Variants in XK observed in about 807,000 individuals in gnomAD.
XK encodes X-linked Kx blood group antigen, Kell and VPS13A binding protein.
A neutral mutation model predicts 14.0 loss-of-function variants in XK; 2 were observed. The ratio of observed to expected loss-of-function variants is 0.14; its 90% CI spans 0.06 to 0.45. The LOEUF is 0.45. Among genes scored for constraint, XK ranks in the 20% least tolerant of loss-of-function variants. The pLI, the probability that XK is intolerant of heterozygous loss-of-function variation, is 0.98. For synonymous variants in XK, 149 were observed against 147.5 expected, an observed-to-expected ratio of 1.01 and a Z score of -0.08; for missense variants, 235 against 341.5, an observed-to-expected ratio of 0.69 and a Z score of 2.46.
chrX:37,728,555 C>T lies in XK; in HGVS notation c.*93C>T. ...AATGAGCCCTACACAGGGAACAAGG[C>T]AGGAAGTTAGCTGTTAACTCCTTGT... On this transcript the variant is annotated 3_prime_UTR_variant, in exon 3 of 3. Transcript: ENST00000378616. 1.1e-6 allele frequency: 1 copy of T among 947,744 alleles called. No homozygotes were observed. The highest frequency in any genetic ancestry group is 1.5e-6 in the Non-Finnish European group (1 of 671,086). 78.1% of individuals were successfully genotyped at this position (947,744 alleles called of 1,213,427 possible).
chrX:37,703,803 A>G (rs782804193), intron 2 of XK, among the ~76,000 whole-genome samples: 1 of 112,290 alleles, frequency 8.9e-6, no homozygotes, highest in Non-Finnish European at 1.9e-5. Context: ...AAAGAAGCTA[A>G]AGTCTTCAAT....
At chrX:37,699,710 G>T (rs1286284422) in intron 2 of XK, among the ~76,000 whole-genome samples, 1 of 112,296 alleles carries the variant, frequency 8.9e-6, no homozygotes, top group Non-Finnish European at 1.9e-5. Context: ...TTGCTAGAAT[G>T]TTTAAGTCAA....
intron 2 of XK, among the ~76,000 whole-genome samples, chrX:37,726,261 A>G (rs1041042956): frequency 1.6e-4 from 18 of 111,682 alleles, no homozygotes; most frequent in Admixed American, 9.5e-5. Flanking sequence ...CTTCTGCTCA[A>G]CTTTACTGTG....
At chrX:37,727,398 G>T (rs1213798557) in intron 2 of XK, among the ~76,000 whole-genome samples, 1 of 111,238 alleles carries the variant, frequency 9.0e-6, no homozygotes. Context: ...CATTGAGGGC[G>T]CTCTCGGGAG....
Position 37,694,531 on chromosome X carries a change from A to G in XK, c.491A>G (p.Asp164Gly). The G allele has an allele frequency of 8.4e-7, 1 of 1,191,668 alleles. No homozygotes were observed. Among genetic ancestry groups the G allele is most frequent in the Non-Finnish European group, 1.1e-6 (1 of 884,104 alleles). Residue 164 changes from aspartate (D) to glycine (G), a missense_variant, in exon 2 of 3, where the codon GAC becomes GGC. Transcript: ENST00000378616. ...CTGTACATAAGTGTCATGCAGCAGG[A>G]CGTCACTGTTGGAAGAAGTACGTGT... Reference protein sequence around the residue: ...LQLYISVMQQDVTVGRSLLMT... With the variant: ...LQLYISVMQQGVTVGRSLLMT...
At chrX:37,697,561 A>G (rs1367597245) in intron 2 of XK, among the ~76,000 whole-genome samples, 2 of 112,362 alleles carry the variant, frequency 1.8e-5, no homozygotes, top group East Asian at 5.5e-4. Flanking sequence ...TTCTGTGCTC[A>G]TTGAGCAAAC....
At chrX:37,721,421 A>G (rs1326012654) in intron 2 of XK, among the ~76,000 whole-genome samples, 1 of 111,734 alleles carries the variant, frequency 8.9e-6, no homozygotes, top group Non-Finnish European at 1.9e-5. Context: ...ACCACAAAAT[A>G]TATACAAATG....
At chrX:37,699,517 A>G (rs1052020453) in intron 2 of XK, among the ~76,000 whole-genome samples, 1 of 111,961 alleles carries the variant, frequency 8.9e-6, no homozygotes, top group Non-Finnish European at 1.9e-5. Context: ...TGGTTTTATT[A>G]CAGCATGGGG....
intron 2 of XK, among the ~76,000 whole-genome samples, chrX:37,714,358 C>T (rs1467996298): frequency 1.8e-5 from 2 of 110,098 alleles, no homozygotes; most frequent in African/African-American, 6.6e-5. Context: ...CCTTTTCCTG[C>T]AGAAATGACA....
intron 2 of XK, among the ~76,000 whole-genome samples, chrX:37,695,733 C>T (rs1927294689): frequency 8.9e-6 from 1 of 112,175 alleles, no homozygotes; most frequent in African/African-American, 3.2e-5. Context: ...TCACAGGATA[C>T]TTACATGTTA....
chrX:37,715,617 A>G lies in XK; in HGVS notation c.509-12019A>G, dbSNP rs934374001. 4.6e-4 allele frequency among the ~76,000 whole-genome samples: 51 copies of G among 111,730 alleles called. 2 individuals carry two copies. Among genetic ancestry groups the G allele is most frequent in the African/African-American group, 1.3e-4 (4 of 30,818 alleles). Reference sequence around the variant, plus strand: ...CAAATCCAAGAAAGAAATAACTTGTATATATCTGATAGTAGATTGGATGCC... The same window carrying G: ...CAAATCCAAGAAAGAAATAACTTGTGTATATCTGATAGTAGATTGGATGCC... On this transcript the variant is annotated intron_variant, in intron 2 of 2. Coordinates refer to ENST00000378616, the MANE Select transcript of XK (RefSeq NM_021083.4).
At chrX:37,694,753 C>T (rs1927277171) in intron 2 of XK, among the ~76,000 whole-genome samples, 1 of 111,929 alleles carries the variant, frequency 8.9e-6, no homozygotes, top group Admixed American at 9.4e-5. Context: ...AAAAGGGTTA[C>T]CTAATCTGTG....
chrX:37,694,585 T>C, intron 2 of XK, 37 bp downstream of exon 2: 1 of 1,175,812 alleles, frequency 8.5e-7, no homozygotes, highest in Non-Finnish European at 1.1e-6. Flanking sequence ...CATTTGGGGA[T>C]CAAAATGAGA....
chrX:37,702,034 T>C (rs1230383538), intron 2 of XK, among the ~76,000 whole-genome samples: 2 of 112,170 alleles, frequency 1.8e-5, no homozygotes, highest in Non-Finnish European at 3.8e-5. Flanking sequence ...ATAGCGGTTA[T>C]GTGTTTAAAA....
At chrX:37,718,181 G>A (rs1556448209) in intron 2 of XK, among the ~76,000 whole-genome samples, 1 of 111,326 alleles carries the variant, frequency 9.0e-6, no homozygotes, top group Non-Finnish European at 1.9e-5. Context: ...TATCCAAGGT[G>A]AGAAACAAAA....
chrX:37,706,356 A>T, intron 2 of XK, among the ~76,000 whole-genome samples: 1 of 111,436 alleles, frequency 9.0e-6, no homozygotes, highest in Middle Eastern at 4.6e-3. Flanking sequence ...TGAAGAGAAT[A>T]ATCAAGGGCA....
intron 2 of XK, among the ~76,000 whole-genome samples, chrX:37,720,597 G>T (rs782252224): frequency 1.6e-4 from 18 of 110,214 alleles, no homozygotes; most frequent in African/African-American, 5.9e-4. Flanking sequence ...GGTGAAGTCT[G>T]GGCTTCTACT....
At chrX:37,705,094 A>C (rs1209423370) in intron 2 of XK, among the ~76,000 whole-genome samples, 4 of 111,831 alleles carry the variant, frequency 3.6e-5, no homozygotes, top group Non-Finnish European at 7.5e-5. Context: ...ATACCTCCAT[A>C]AAAAGATTTG....
At position 37,728,144 on chromosome X, in the gene XK, G is replaced by C. The variant is rs149492162; in HGVS notation, c.1017G>C (p.Lys339Asn). 18 of 1,209,528 alleles carry C rather than the reference G, an allele frequency of 1.5e-5. No homozygotes were observed. Among genetic ancestry groups the C allele is most frequent in the Non-Finnish European group, 1.1e-6 (1 of 895,113 alleles). ...AILLLLWYLF[K>N]TDIYMYVCAP... The stretch of plus-strand genomic sequence containing the variant: ...TCCTCCTCCTGTGGTATCTTTTCAA[G>C]ACTGACATCTATATGTATGTGTGCG... Residue 339 changes from lysine (K) to asparagine (N), a missense_variant, in exon 3 of 3, where the codon AAG (lysine) becomes AAC (asparagine). Transcript: ENST00000378616.
Sources: gnomAD v4.1 joint callset for allele counts (sites outside exome capture counted in the v4.1 genomes callset) on GRCh38, gnomAD v4.1.1 for gene constraint, MANE v1.5 for transcripts, NCBI Gene and HGNC (gene_info 2026-07-23, HGNC 2026-07-21) for gene names.